DOCK4: variants seen among roughly 807,000 people sequenced by gnomAD.
The protein encoded by DOCK4 is dedicator of cytokinesis 4.
A neutral mutation model predicts 268.1 loss-of-function variants in DOCK4; 97 were observed. The observed-to-expected ratio is 0.36, with a 90% CI of 0.31 to 0.43. The LOEUF (loss-of-function observed/expected upper bound fraction) is 0.43. Ranked by LOEUF, DOCK4 falls within the 20% of genes least tolerant of loss-of-function variation. The pLI, the probability that DOCK4 is intolerant of heterozygous loss-of-function variation, is 1.00. For missense variants in DOCK4, 2,145 were observed against 2,455.7 expected (o/e 0.87, Z 2.67); for synonymous variants, 954 against 887.2 (o/e 1.08, Z -1.34).
intron 26 of DOCK4, 133 bp from the exon 27 acceptor site, chr7:111,822,589 C>T: frequency 3.9e-6 from 3 of 776,776 alleles, no homozygotes; most frequent in Non-Finnish European, 4.0e-6. Context: ...CATAGTTTAA[C>T]AGTTTGCCCA....
At chr7:111,901,350 A>G (rs928496531) in intron 14 of DOCK4, among the ~76,000 whole-genome samples, 1 of 151,572 alleles carries the variant, frequency 6.6e-6, no homozygotes, top group Non-Finnish European at 1.5e-5. Flanking sequence ...AAAAAAAAAA[A>G]AAAAAGCTGC....
At chr7:111,858,070 G>C (rs1333227343) in intron 23 of DOCK4, among the ~76,000 whole-genome samples, 2 of 152,114 alleles carry the variant, frequency 1.3e-5, no homozygotes, top group African/African-American at 4.8e-5. Context: ...TGTGACTAAG[G>C]GGGTGATTCA....
At chr7:112,066,682 T>C (rs371947713) in intron 1 of DOCK4, among the ~76,000 whole-genome samples, 27 of 15,556 alleles carry the variant, frequency 1.7e-3, no homozygotes, top group Non-Finnish European at 2.0e-3. Flanking sequence ...TATACATATA[T>C]ACATATACAT....
chr7:112,035,875 A>G (rs1367958314), intron 1 of DOCK4, among the ~76,000 whole-genome samples: 1 of 152,192 alleles, frequency 6.6e-6, no homozygotes, highest in Non-Finnish European at 1.5e-5. Flanking sequence ...TTTAAACATA[A>G]TTTTTAAAAA....
chr7:112,117,767 C>T (rs908338774), intron 1 of DOCK4, among the ~76,000 whole-genome samples: 8 of 152,186 alleles, frequency 5.3e-5, no homozygotes, highest in Non-Finnish European at 8.8e-5. Flanking sequence ...TATTGTATGG[C>T]ATGGTGATTT....
intron 1 of DOCK4, among the ~76,000 whole-genome samples, chr7:112,131,436 A>C (rs1227146944): frequency 6.6e-6 from 1 of 152,160 alleles, no homozygotes; most frequent in Non-Finnish European, 1.5e-5. Context: ...TTATAGGACA[A>C]GGAGAGAGGA....
At chr7:111,916,992 T>G (rs1408868325) in intron 12 of DOCK4, among the ~76,000 whole-genome samples, 4 of 93,376 alleles carry the variant, frequency 4.3e-5, no homozygotes, top group African/African-American at 1.5e-4. Flanking sequence ...TTTTTTTTTT[T>G]TTTTTTTTTT....
chr7:111,834,652 C>T lies in DOCK4; in HGVS notation c.2771G>A (p.Arg924Gln), dbSNP rs543838556. 24 of 1,549,926 alleles carry T rather than the reference C, an allele frequency of 1.5e-5. No individual in the cohort carries two copies. Among genetic ancestry groups the T allele is most frequent in the Admixed American group, 7.8e-5 (4 of 51,172 alleles). The change falls in exon 26 of 53, where the codon CGA becomes CAA. Residue 924 changes from arginine (R) to glutamine (Q), a missense_variant. This residue lies in a region of DOCK4 where 1,598 missense variants were observed against 1,986.7 expected (regional missense o/e 0.80). Transcript: ENST00000428084. ...TTGATAATGTCTATCTGTCATTTGT[C>T]GTAATAGGGACAGGAGACAAGCAAC... ...EFVACLLSLL[R>Q]QMTDRHYQQL...
chr7:111,990,262 C>G (rs1239742016), intron 5 of DOCK4, among the ~76,000 whole-genome samples: 2 of 152,142 alleles, frequency 1.3e-5, no homozygotes, highest in Non-Finnish European at 2.9e-5. Context: ...GTTTCTTCCC[C>G]AAAACCAAAA....
chr7:111,876,675 C>G (rs569040082), intron 17 of DOCK4, among the ~76,000 whole-genome samples: 1 of 151,412 alleles, frequency 6.6e-6, no homozygotes, highest in Non-Finnish European at 1.5e-5. Context: ...CAAAAAACAG[C>G]CTTTATTCTA....
intron 47 of DOCK4, among the ~76,000 whole-genome samples, chr7:111,740,808 T>C (rs1056859426): frequency 7.2e-5 from 10 of 138,218 alleles, no homozygotes; most frequent in African/African-American, 2.7e-4. Flanking sequence ...CTGAGAGTCC[T>C]GGACTGCAGA....
In DOCK4 at chr7:111,872,062, C is replaced by G; in HGVS notation, c.1955G>C (p.Ser652Thr). 2.6e-6 allele frequency: 4 copies of G among 1,550,278 alleles called. No individual in the cohort carries two copies. Among genetic ancestry groups the G allele is most frequent in the Non-Finnish European group, 3.5e-6 (4 of 1,147,426 alleles). Residue 652 changes from serine to threonine, a missense_variant, in exon 20 of 53, where the codon AGC becomes ACC. Ser to Thr is a moderately conservative substitution (Grantham distance 58, BLOSUM62 1). Around this residue, in one of 2 missense-constraint regions of DOCK4, gnomAD observed 1,598 missense variants for 1,986.7 expected, o/e 0.80. Transcript: ENST00000428084. ...TACAGGTTTAAAATGATGAAATTTG[C>G]TATCTTGCAGCAAATTTATTATGTG... ...LVHIINLLQD[S>T]KFHHFKPVMD... is the part of the protein sequence containing the mutation.
chr7:112,184,368 C>T (rs1819308657), intron 1 of DOCK4, among the ~76,000 whole-genome samples: 1 of 152,170 alleles, frequency 6.6e-6, no homozygotes, highest in African/African-American at 2.4e-5. Context: ...TCTGCAGGCA[C>T]CTCTTGCAGA....
At chr7:111,851,160 A>C (rs1339346564) in intron 23 of DOCK4, among the ~76,000 whole-genome samples, 1 of 152,082 alleles carries the variant, frequency 6.6e-6, no homozygotes, top group Non-Finnish European at 1.5e-5. Context: ...AAAGTTCTGA[A>C]AAAGCCGGGT....
At chr7:111,873,455 G>A (rs1463363677) in intron 17 of DOCK4, among the ~76,000 whole-genome samples, 3 of 152,222 alleles carry the variant, frequency 2.0e-5, no homozygotes, top group African/African-American at 4.8e-5. Context: ...AGCGGGACCT[G>A]GTAGAACTGG....
chr7:111,885,249 GTAAT>G (rs1807736855), intron 16 of DOCK4, among the ~76,000 whole-genome samples: 1 of 152,216 alleles, frequency 6.6e-6, no homozygotes, highest in Non-Finnish European at 1.5e-5. Context: ...TGTGCTGCAT[GTAAT>G]TGAGAGATGG....
intron 1 of DOCK4, among the ~76,000 whole-genome samples, chr7:112,105,314 G>A (rs1811041061): frequency 6.6e-6 from 1 of 152,052 alleles, no homozygotes; most frequent in Non-Finnish European, 1.5e-5. Context: ...AAATCGATGT[G>A]AAAATCCAAA....
chr7:112,134,712 T>C (rs976981326), intron 1 of DOCK4, among the ~76,000 whole-genome samples: 1 of 152,092 alleles, frequency 6.6e-6, no homozygotes, highest in Non-Finnish European at 1.5e-5. Context: ...CGAGACTCCA[T>C]CTCAAATAAA....
intron 42 of DOCK4, among the ~76,000 whole-genome samples, chr7:111,748,338 A>G (rs1048910318): frequency 2.2e-4 from 33 of 152,196 alleles, no homozygotes; most frequent in African/African-American, 7.7e-4. Context: ...AAGATAAGCA[A>G]GAACATAGAA....
Sources: allele counts gnomAD v4.1 joint callset (sites outside exome capture counted in the v4.1 genomes callset), GRCh38; gene constraint gnomAD v4.1.1; regional missense constraint gnomAD v4.1.1; transcripts MANE v1.5; gene names NCBI Gene and HGNC (gene_info 2026-07-23, HGNC 2026-07-21).